The following BARX1 variants were observed in gnomAD, a reference collection of about 807,000 sequenced individuals.
BARX1 encodes the protein homeobox protein BarH-like 1.
Under a neutral mutation model 19.6 loss-of-function variants are expected in BARX1, and 10 were observed. The ratio of observed to expected loss-of-function variants is 0.51; its 90% CI spans 0.31 to 0.86. The LOEUF (loss-of-function observed/expected upper bound fraction) is 0.86, where lower values mean the gene tolerates loss of function less well. Ranked by LOEUF, BARX1 falls within the 40% of genes least tolerant of loss-of-function variation. The pLI is 0.04. For missense variants in BARX1, 309 were observed against 360.4 expected, an observed-to-expected ratio of 0.86 and a Z score of 1.15; for synonymous variants, 177 against 170.0, an observed-to-expected ratio of 1.04 and a Z score of -0.32.
chr9:93,952,585 T>C (rs1456144044), intron 3 of BARX1, 144 bp downstream of exon 3: 2 of 1,087,330 alleles, frequency 1.8e-6, no homozygotes, highest in African/African-American at 1.6e-5. Context: ...CAGAAAAAAC[T>C]GAGAGGATTC....
intron 1 of BARX1, chr9:93,953,425 C>G (rs1005869802): frequency 2.1e-6 from 1 of 486,148 alleles, no homozygotes; most frequent in African/African-American, 2.0e-5. Flanking sequence ...CCTGGAGTTC[C>G]CCAGGCCTCA....
Position 93,955,248 on chromosome 9 carries a change from G to A in BARX1, c.-102C>T. ...GGCTCTAGGCCGGCCCGCAGCTCGG[G>A]GCGGCGCGCGGGCGCCGGCTCATGC... On this transcript the variant is annotated 5_prime_UTR_variant, in exon 1 of 4. Transcript: ENST00000253968. The surrounding 1 kb of genome is among the most constrained non-coding windows in gnomAD (Gnocchi z 4.4). The A allele has an allele frequency of 2.2e-6, 1 of 448,368 alleles. No individual in the cohort carries two copies. The highest frequency in any genetic ancestry group is 2.9e-6 in the Non-Finnish European group (1 of 342,738). The allele number at this position is 448,368 out of a possible 1,614,324, so 27.8% of individuals were successfully genotyped here.
rs1382974696 is a variant in BARX1 at position 93,952,731 on chromosome 9, T to C, written c.598A>G (p.Ile200Val). 6.2e-7 allele frequency: 1 copy of C among 1,614,096 alleles called. No homozygotes were observed. Among genetic ancestry groups the C allele is most frequent in the Non-Finnish European group, 8.5e-7 (1 of 1,179,962 alleles). The change falls in exon 3 of 4, where the codon ATA becomes GTA. Residue 200 changes from isoleucine (I) to valine (V), a missense_variant and splice_region_variant. Coordinates refer to ENST00000253968, the MANE Select transcript of BARX1 (RefSeq NM_021570.4). The stretch of plus-strand genomic sequence containing the variant: ...GGGAAGCCACCAGGCACACTCACTA[T>C]TTTCTTCCACTTCATCCTCCGATTC... Reference protein sequence around the residue: ...YQNRRMKWKKIVLQGGGLESP... With the variant: ...YQNRRMKWKKVVLQGGGLESP...
chr9:93,953,092 C>G lies in BARX1; in HGVS notation c.319G>C (p.Gly107Arg), dbSNP rs531602020. The G allele has an allele frequency of 1.1e-5, 17 of 1,555,032 alleles. No individual in the cohort carries two copies. The highest frequency in any genetic ancestry group is 4.1e-5 in the African/African-American group (3 of 73,120). ...GGCGCACCCGCGGCGCCGGGCAGCC[C>G]GGGCCCTGCCGCCAGCAACGCAGAG... ...LSSALLAAGP[G>R]LPGAAGAPHL... Residue 107 changes from glycine to arginine, a missense_variant, in exon 2 of 4, where the codon GGG becomes CGG. This residue lies in a region of BARX1 where 204 missense variants were observed against 206.8 expected (regional missense o/e 0.99). Coordinates refer to ENST00000253968, the MANE Select transcript of BARX1 (RefSeq NM_021570.4).
At chr9:93,954,745 T>C (rs1829141021) in intron 1 of BARX1, among the ~76,000 whole-genome samples, 179 bp downstream of exon 1, 1 of 152,116 alleles carries the variant, frequency 6.6e-6, no homozygotes, top group Non-Finnish European at 1.5e-5. Flanking sequence ...CTGTGAGGCC[T>C]GGAGCTTGCA....
intron 1 of BARX1, among the ~76,000 whole-genome samples, chr9:93,953,937 G>A (rs188589657): frequency 3.4e-4 from 47 of 136,664 alleles, no homozygotes; most frequent in Non-Finnish European, 6.1e-4. Context: ...CGACTAGGAG[G>A]TGGGGGGGTG....
intron 1 of BARX1, among the ~76,000 whole-genome samples, chr9:93,953,765 T>C (rs1017837714): frequency 3.9e-5 from 6 of 152,252 alleles, no homozygotes; most frequent in Non-Finnish European, 7.3e-5. Flanking sequence ...CGCTTCCCCA[T>C]GCAGATGTTT....
Position 93,955,322 on chromosome 9 carries a change from C to A in BARX1, c.-176G>T, listed in dbSNP as rs1829151667. On this transcript the variant is annotated 5_prime_UTR_variant, in exon 1 of 4. Coordinates refer to ENST00000253968, the MANE Select transcript of BARX1 (RefSeq NM_021570.4). This position sits in a 1 kb window ranked among gnomAD's most constrained non-coding sequence, Gnocchi z 4.4. ...GCGGAGGCGCAGGGCGCGGGCGGGG[C>A]GCGCGGGGCTCGGCCGGTCGAACCC... The A allele has an allele frequency of 6.7e-6, 1 of 149,876 alleles. No homozygotes were observed. Among genetic ancestry groups the A allele is most frequent in the South Asian group, 2.1e-4 (1 of 4,800 alleles). The allele number at this position is 149,876 out of a possible 1,614,324, so 9.3% of individuals were successfully genotyped here.
chr9:93,954,817 GCTTCCCGGGGCTGCTTCGATGC>G lies in BARX1; in HGVS notation c.223+85_223+106del, dbSNP rs1829141933. On this transcript the variant is annotated intron_variant, in intron 1 of 3. Transcript: ENST00000253968. ...TCCCAGAACCTGCGCTCCCAGAGCAGCTTCCCGGGGCTGCTTCGATGCCGGAGGAGGCTCGGGGCGCCCCCGC... is the reference window on the plus strand; with the variant it reads ...TCCCAGAACCTGCGCTCCCAGAGCAGCGGAGGAGGCTCGGGGCGCCCCCGC... 4 of 787,204 alleles carry G rather than the reference GCTTCCCGGGGCTGCTTCGATGC, an allele frequency of 5.1e-6. No individual in the cohort carries two copies. In the African/African-American group the frequency reaches 7.3e-5, roughly 14 times the overall value. The allele number at this position is 787,204 out of a possible 1,614,324, so 48.8% of individuals were successfully genotyped here.
intron 3 of BARX1, among the ~76,000 whole-genome samples, 161 bp downstream of exon 3, chr9:93,952,568 C>G (rs988103016): frequency 1.3e-5 from 2 of 152,144 alleles, no homozygotes; most frequent in African/African-American, 4.8e-5. Context: ...TTGGCTTACC[C>G]AAGGGGCAGA....
rs1829103793 is a variant in BARX1, at chr9:93,951,740, G to C, written c.*424C>G. The C allele has an allele frequency of 6.3e-6, 1 of 159,852 alleles. No individual in the cohort carries two copies. The allele number at this position is 159,852 out of a possible 1,614,324, so 9.9% of individuals were successfully genotyped here. On this transcript the variant is annotated 3_prime_UTR_variant, in exon 4 of 4. Coordinates refer to ENST00000253968, the MANE Select transcript of BARX1 (RefSeq NM_021570.4). Reference sequence around the variant, plus strand: ...AGGCCGAGCCGACGGGTTGCCCCGGGGCAATCTCAGGCCGTTGTGGCCTGA... The same window carrying C: ...AGGCCGAGCCGACGGGTTGCCCCGGCGCAATCTCAGGCCGTTGTGGCCTGA...
intron 1 of BARX1, among the ~76,000 whole-genome samples, chr9:93,954,308 G>A (rs1829136367): frequency 6.6e-6 from 1 of 152,264 alleles, no homozygotes; most frequent in Non-Finnish European, 1.5e-5. Context: ...GCCCTGCAGA[G>A]GCCCAGCCGA....
chr9:93,953,364 C>T (rs1165336226), intron 1 of BARX1, 177 bp from the exon 2 acceptor site: 3 of 693,900 alleles, frequency 4.3e-6, no homozygotes, highest in Non-Finnish European at 6.8e-6. Context: ...TCAACGTTGC[C>T]GTTCCCCAGA....
rs961343686 is a variant in BARX1 at position 93,951,998 on chromosome 9, G to T, written c.*166C>A. ...GCTGGGACCTGGGTCTGGCTTTTGG[G>T]TCTGTGTCCTTCCTCGTTTGGCCCC... On this transcript the variant is annotated 3_prime_UTR_variant, in exon 4 of 4. Coordinates refer to ENST00000253968, the MANE Select transcript of BARX1 (RefSeq NM_021570.4). 7.2e-6 allele frequency: 7 copies of T among 974,264 alleles called. 1 individual carries two copies. In the African/African-American group the frequency reaches 8.2e-5, roughly 11 times the overall value. The allele number at this position is 974,264 out of a possible 1,614,324, so 60.4% of individuals were successfully genotyped here.
intron 1 of BARX1, chr9:93,953,427 C>T: frequency 4.2e-6 from 2 of 478,924 alleles, no homozygotes. Context: ...TGGAGTTCCC[C>T]AGGCCTCAGC....
intron 1 of BARX1, among the ~76,000 whole-genome samples, chr9:93,954,563 A>G (rs1194639850): frequency 6.6e-6 from 1 of 152,230 alleles, no homozygotes; most frequent in African/African-American, 2.4e-5. Flanking sequence ...TCTGCGGCGA[A>G]GCCCAGGCGC....
Position 93,953,010 on chromosome 9 carries a change from T to C in BARX1, c.401A>G (p.Glu134Gly). The stretch of plus-strand genomic sequence containing the variant: ...CCCCTTCTTGGCTTTGGTGCCTGGC[T>C]CCCCAGGGCCTGCCGCCTCCAGCTT... The part of the protein sequence containing the change: ...RGKLEAAGPG[E>G]PGTKAKKGRR... The change falls in exon 2 of 4, where the codon GAG (glutamate) becomes GGG (glycine). Residue 134 changes from glutamate to glycine, a missense_variant. By Grantham distance (98) the Glu-to-Gly change is moderately conservative. Around this residue, in one of 3 missense-constraint regions of BARX1, gnomAD observed 204 missense variants for 206.8 expected, o/e 0.99. Coordinates refer to ENST00000253968, the MANE Select transcript of BARX1 (RefSeq NM_021570.4). 1 of 1,573,664 alleles carries C rather than the reference T, an allele frequency of 6.4e-7. No homozygotes were observed. The highest frequency in any genetic ancestry group is 8.6e-7 in the Non-Finnish European group (1 of 1,160,180).
chr9:93,955,034 G>A lies in BARX1; in HGVS notation c.113C>T (p.Pro38Leu). Residue 38 changes from proline to leucine, a missense_variant, in exon 1 of 4, where the codon CCA becomes CTA. By Grantham distance (98) the Pro-to-Leu change is moderately conservative (BLOSUM62 -3). Around this residue, in one of 3 missense-constraint regions of BARX1, gnomAD observed 204 missense variants for 206.8 expected, o/e 0.99. Coordinates refer to ENST00000253968, the MANE Select transcript of BARX1 (RefSeq NM_021570.4). The surrounding 1 kb of genome is among the most constrained non-coding windows in gnomAD (Gnocchi z 4.4). The part of the protein sequence containing the change: ...SFMIEEILTE[P>L]PGPKGAAPAA... Reference sequence around the variant, plus strand: ...GGGCGCGGCGCCCTTGGGCCCGGGTGGCTCCGTGAGGATCTCCTCAATCAT... The same window carrying A: ...GGGCGCGGCGCCCTTGGGCCCGGGTAGCTCCGTGAGGATCTCCTCAATCAT... 3 of 1,405,934 alleles carry A rather than the reference G, an allele frequency of 2.1e-6. No homozygotes were observed. Among genetic ancestry groups the A allele is most frequent in the South Asian group, 2.9e-5 (2 of 68,786 alleles). 87.1% of individuals were successfully genotyped at this position (1,405,934 alleles called of 1,614,324 possible). A position where few individuals can be genotyped will look rare whatever the true frequency, so the allele number is the denominator to read the frequency against.
At chr9:93,954,701 T>G (rs1486451820) in intron 1 of BARX1, among the ~76,000 whole-genome samples, 1 of 152,032 alleles carries the variant, frequency 6.6e-6, no homozygotes, top group African/African-American at 2.4e-5. Context: ...GCGAACACCC[T>G]CCCCGGGCGG....
Sources: allele counts gnomAD v4.1 joint callset (sites outside exome capture counted in the v4.1 genomes callset), GRCh38; gene constraint gnomAD v4.1.1; regional missense constraint gnomAD v4.1.1; non-coding constraint Gnocchi (gnomAD v3.1); transcripts MANE v1.5; gene names NCBI Gene and HGNC (gene_info 2026-07-23, HGNC 2026-07-21).